Variants in SLC22A3 observed in about 807,000 individuals in gnomAD.
The protein encoded by SLC22A3 is EMT organic cation transporter 3.
A neutral mutation model predicts 59.1 loss-of-function variants in SLC22A3; 51 were observed. The ratio of observed to expected loss-of-function variants is 0.86; its 90% CI spans 0.69 to 1.09. The LOEUF (loss-of-function observed/expected upper bound fraction) is 1.09, where lower values mean the gene tolerates loss of function less well. Among genes scored for constraint, SLC22A3 ranks in the 50% least tolerant of loss-of-function variants. SLC22A3 has a pLI of 0.00. For missense variants in SLC22A3, 711 were observed against 726.3 expected (o/e 0.98, Z 0.24); for synonymous variants, 325 against 292.0 (o/e 1.11, Z -1.15).
chr6:160,396,505 A>G (rs1406891157), intron 1 of SLC22A3, among the ~76,000 whole-genome samples: 1 of 152,194 alleles, frequency 6.6e-6, no homozygotes, highest in Non-Finnish European at 1.5e-5. Context: ...TTTCTGTAGC[A>G]AAACTCCCTT....
chr6:160,356,962 G>A (rs1784860374), intron 1 of SLC22A3, among the ~76,000 whole-genome samples: 1 of 152,134 alleles, frequency 6.6e-6, no homozygotes, highest in Admixed American at 6.5e-5. Flanking sequence ...ATTAGTGAGG[G>A]GTGAAGTTTA....
chr6:160,369,943 G>C (rs1018975038), intron 1 of SLC22A3, among the ~76,000 whole-genome samples: 1 of 152,230 alleles, frequency 6.6e-6, no homozygotes, highest in Non-Finnish European at 1.5e-5. Flanking sequence ...GCCAGGGCAG[G>C]AGCCGTCAGG....
chr6:160,398,225 C>T (rs1786596569), intron 2 of SLC22A3, 143 bp downstream of exon 2: 5 of 655,536 alleles, frequency 7.6e-6, no homozygotes, highest in Non-Finnish European at 1.4e-5. Context: ...ATGACATCCA[C>T]ACTTGGTTGG....
intron 1 of SLC22A3, among the ~76,000 whole-genome samples, chr6:160,384,383 A>G (rs1239384049): frequency 6.6e-6 from 1 of 152,196 alleles, no homozygotes; most frequent in East Asian, 1.9e-4. Flanking sequence ...TTATAATCTG[A>G]TTTTAATTTT....
intron 2 of SLC22A3, among the ~76,000 whole-genome samples, chr6:160,401,826 G>A (rs577590612): frequency 1.4e-3 from 210 of 151,838 alleles, no homozygotes; most frequent in Admixed American, 2.7e-3. Context: ...AATGTATATT[G>A]TAAACTCTAA....
At chr6:160,449,625 C>A (rs1017117051) in intron 10 of SLC22A3, among the ~76,000 whole-genome samples, 1 of 152,038 alleles carries the variant, frequency 6.6e-6, no homozygotes, top group Non-Finnish European at 1.5e-5. Context: ...CAGCTCATTT[C>A]CAAATATATG....
At chr6:160,395,310 T>C (rs1786427820) in intron 1 of SLC22A3, among the ~76,000 whole-genome samples, 1 of 152,214 alleles carries the variant, frequency 6.6e-6, no homozygotes, top group African/African-American at 2.4e-5. Context: ...GCTGAATACA[T>C]GTATTAAAAG....
chr6:160,373,211 T>G (rs2114778096), intron 1 of SLC22A3, among the ~76,000 whole-genome samples: 1 of 152,214 alleles, frequency 6.6e-6, no homozygotes, highest in Admixed American at 6.5e-5. Flanking sequence ...TTTTTGTTGA[T>G]GTTGATGCTA....
At chr6:160,365,661 G>A (rs1276716359) in intron 1 of SLC22A3, among the ~76,000 whole-genome samples, 1 of 152,128 alleles carries the variant, frequency 6.6e-6, no homozygotes, top group Non-Finnish European at 1.5e-5. Context: ...TTTCTTTAAA[G>A]AAAATCATCA....
Position 160,437,227 on chromosome 6 carries a change from A to G in SLC22A3, c.1288+16A>G. The G allele has an allele frequency of 1.2e-6, 2 of 1,613,434 alleles. No homozygotes were observed. The highest frequency in any genetic ancestry group is 8.5e-7 in the Non-Finnish European group (1 of 1,179,526). On this transcript the variant is annotated intron_variant, in intron 7 of 10. Transcript: ENST00000275300. Reference sequence around the variant, plus strand: ...TTACCAGAAGGTAATCTTACCCCACATCTGTTTGGCAGCCAAAGGACTTGA... The same window carrying G: ...TTACCAGAAGGTAATCTTACCCCACGTCTGTTTGGCAGCCAAAGGACTTGA...
At chr6:160,446,437 C>T (rs1368215224) in intron 9 of SLC22A3, among the ~76,000 whole-genome samples, 2 of 152,140 alleles carry the variant, frequency 1.3e-5, no homozygotes, top group Non-Finnish European at 2.9e-5. Flanking sequence ...ACTGGGGAAG[C>T]CTCAGGAAAC....
At chr6:160,439,278 A>G (rs1422753795) in intron 7 of SLC22A3, among the ~76,000 whole-genome samples, 1 of 152,222 alleles carries the variant, frequency 6.6e-6, no homozygotes, top group East Asian at 1.9e-4. Flanking sequence ...TACTTTGGAT[A>G]TAACATACAA....
chr6:160,348,670 C>T lies in SLC22A3; in HGVS notation c.251C>T (p.Pro84Leu). 1 of 1,507,178 alleles carries T rather than the reference C, an allele frequency of 6.6e-7. No individual in the cohort carries two copies. Among genetic ancestry groups the T allele is most frequent in the Non-Finnish European group, 8.8e-7 (1 of 1,135,972 alleles). 93.4% of individuals were successfully genotyped at this position (1,507,178 alleles called of 1,614,324 possible). ...CCCGCCTCCCGCGGCCCAGAGCCCCCCGAGCGCCGCGGCCGCTGCCAGCGC... is the reference window on the plus strand; with the variant it reads ...CCCGCCTCCCGCGGCCCAGAGCCCCTCGAGCGCCGCGGCCGCTGCCAGCGC... The part of the protein sequence containing the change: ...TAPASRGPEP[P>L]ERRGRCQRYL... Residue 84 changes from proline (P) to leucine (L), a missense_variant, in exon 1 of 11, where the codon CCC becomes CTC. By Grantham distance (98) the Pro-to-Leu change is moderately conservative. Coordinates refer to ENST00000275300, the MANE Select transcript of SLC22A3 (RefSeq NM_021977.4).
chr6:160,361,588 T>A (rs537275171), intron 1 of SLC22A3, among the ~76,000 whole-genome samples: 310 of 152,362 alleles, frequency 2.0e-3, no homozygotes, highest in African/African-American at 6.8e-3. Flanking sequence ...TTCAACTCAC[T>A]TAATCCCTAC....
intron 1 of SLC22A3, among the ~76,000 whole-genome samples, chr6:160,374,418 G>A (rs1562473915): frequency 6.6e-6 from 1 of 151,908 alleles, no homozygotes; most frequent in Admixed American, 6.5e-5. Flanking sequence ...CATCCACCTC[G>A]CCGGGAGCTG....
intron 1 of SLC22A3, among the ~76,000 whole-genome samples, chr6:160,377,813 C>A (rs1785656355): frequency 6.6e-6 from 1 of 152,206 alleles, no homozygotes; most frequent in Admixed American, 6.5e-5. Context: ...GGCTGCTAAG[C>A]AAACGTAGGT....
At chr6:160,367,856 C>T (rs1280768099) in intron 1 of SLC22A3, among the ~76,000 whole-genome samples, 1 of 152,184 alleles carries the variant, frequency 6.6e-6, no homozygotes, top group Non-Finnish European at 1.5e-5. Context: ...GCTACCTTCA[C>T]CCATAATGTC....
chr6:160,436,940 A>T, intron 6 of SLC22A3, 57 bp from the exon 7 acceptor site: 1 of 1,612,354 alleles, frequency 6.2e-7, no homozygotes, highest in Non-Finnish European at 8.5e-7. Context: ...CCCTTCCTTC[A>T]AATCAGCTTG....
At chr6:160,409,520 C>T (rs969278831) in intron 4 of SLC22A3, among the ~76,000 whole-genome samples, 2 of 147,438 alleles carry the variant, frequency 1.4e-5, no homozygotes, top group Non-Finnish European at 3.0e-5. Flanking sequence ...GATTTATACT[C>T]ATTTGGGTAT....
Sources: allele counts gnomAD v4.1 joint callset (sites outside exome capture counted in the v4.1 genomes callset), GRCh38; gene constraint gnomAD v4.1.1; transcripts MANE v1.5; gene names NCBI Gene and HGNC (gene_info 2026-07-23, HGNC 2026-07-21).